COL4A3: variants seen among roughly 807,000 people sequenced by gnomAD.
The protein encoded by COL4A3 is collagen alpha-3(IV) chain.
Under a neutral mutation model 217.4 loss-of-function variants are expected in COL4A3, and 135 were observed. The ratio of observed to expected loss-of-function variants is 0.62; its 90% CI spans 0.54 to 0.72. The LOEUF (loss-of-function observed/expected upper bound fraction) is 0.72, where lower values mean the gene tolerates loss of function less well. Ranked by LOEUF, COL4A3 falls within the 30% of genes least tolerant of loss-of-function variation. The pLI is 0.00. For synonymous variants in COL4A3, 690 were observed against 736.3 expected, an observed-to-expected ratio of 0.94 and a Z score of 1.02; for missense variants, 1,868 against 2,119.9, an observed-to-expected ratio of 0.88 and a Z score of 2.33.
chr2:227,208,019 C>A (rs868846898), intron 1 of COL4A3, among the ~76,000 whole-genome samples: 1 of 150,162 alleles, frequency 6.7e-6, no homozygotes, highest in Admixed American at 6.6e-5. Flanking sequence ...TCTCCCCCCG[C>A]CCCCCCACAC....
intron 1 of COL4A3, among the ~76,000 whole-genome samples, chr2:227,220,670 T>G (rs537488532): frequency 5.3e-5 from 8 of 151,942 alleles, no homozygotes; most frequent in Admixed American, 1.3e-4. Flanking sequence ...CTCACTATGT[T>G]GCATAGGCTG....
At chr2:227,256,563 A>T (rs755248471) in intron 17 of COL4A3, 167 bp downstream of exon 17, 2 of 770,296 alleles carry the variant, frequency 2.6e-6, no homozygotes, top group Non-Finnish European at 4.7e-6. Flanking sequence ...CTTTACTTAA[A>T]CATTTGAAGG....
chr2:227,172,389 C>T (rs572617076), intron 1 of COL4A3, among the ~76,000 whole-genome samples: 1 of 152,184 alleles, frequency 6.6e-6, no homozygotes, highest in Non-Finnish European at 1.5e-5. Flanking sequence ...GGTAAGGGCC[C>T]TCTTTCTGGC....
At position 227,282,357 on chromosome 2, in the gene COL4A3, G is replaced by A. The variant is rs201846272; in HGVS notation, c.2489-8G>A. On this transcript the variant is annotated splice_region_variant and splice_polypyrimidine_tract_variant and intron_variant, in intron 31 of 51. Transcript: ENST00000396578. This position sits in a 1 kb window ranked among gnomAD's most constrained non-coding sequence, Gnocchi z 4.4. ...GGTTAATTAATTCATTCATTTATTCGTACACAGGCAGAAGAGGTAAAACGG... is the reference window on the plus strand; with the variant it reads ...GGTTAATTAATTCATTCATTTATTCATACACAGGCAGAAGAGGTAAAACGG... 1,435 of 1,607,178 alleles carry A rather than the reference G, an allele frequency of 8.9e-4. 1 individual carries two copies. Among genetic ancestry groups the A allele is most frequent in the Non-Finnish European group, 1.1e-3 (1,349 of 1,176,792 alleles).
At chr2:227,169,713 C>T (rs147261121) in intron 1 of COL4A3, among the ~76,000 whole-genome samples, 2 of 152,128 alleles carry the variant, frequency 1.3e-5, no homozygotes, top group African/African-American at 2.4e-5. Flanking sequence ...CTGTTCATGT[C>T]CTTTGCCCAC....
chr2:227,242,817 C>A (rs1198231457), intron 3 of COL4A3, among the ~76,000 whole-genome samples: 1 of 152,198 alleles, frequency 6.6e-6, no homozygotes, highest in Non-Finnish European at 1.5e-5. Flanking sequence ...AAACCACACC[C>A]ACAGCTTACA....
chr2:227,307,306 A>G (rs746094683), intron 47 of COL4A3, among the ~76,000 whole-genome samples: 1 of 152,230 alleles, frequency 6.6e-6, no homozygotes, highest in East Asian at 1.9e-4. Flanking sequence ...TATCAAAACC[A>G]TAAGTAATTT....
intron 26 of COL4A3, among the ~76,000 whole-genome samples, chr2:227,275,129 A>G (rs1488132667): frequency 6.6e-6 from 1 of 152,252 alleles, no homozygotes; most frequent in Admixed American, 6.5e-5. Context: ...CTTTACAGCA[A>G]AAGTTTATTT....
At chr2:227,224,759 GA>G (rs35465382) in intron 1 of COL4A3, among the ~76,000 whole-genome samples, 79,502 of 143,978 alleles carry the variant, frequency 0.55, 21,822 homozygotes, top group Non-Finnish European at 0.63. Context: ...CCATCTCAAA[GA>G]AAAAAAAAAA....
chr2:227,264,310 T>G (rs2070764142), intron 21 of COL4A3, among the ~76,000 whole-genome samples: 1 of 152,140 alleles, frequency 6.6e-6, no homozygotes. Flanking sequence ...CATTTGCTCC[T>G]AGTTCCCATG....
chr2:227,289,396 A>C, intron 35 of COL4A3, 148 bp downstream of exon 35: 1 of 723,728 alleles, frequency 1.4e-6, no homozygotes, highest in Non-Finnish European at 2.4e-6. Context: ...ATTAACTAAA[A>C]GAAGGTGTTG....
chr2:227,249,231 T>TATATATATATATATATATATATG (rs71036175), intron 9 of COL4A3, among the ~76,000 whole-genome samples: 1 of 19,506 alleles, frequency 5.1e-5, no homozygotes, highest in Non-Finnish European at 1.2e-4. Flanking sequence ...TATATATATA[T>TATATATATATATATATATATATG]TTTTTTTTTT....
In COL4A3 at chr2:227,188,885, C is replaced by T. The variant is rs74544985; in HGVS notation, c.87+24072C>T. On this transcript the variant is annotated intron_variant, in intron 1 of 51. Coordinates refer to ENST00000396578, the MANE Select transcript of COL4A3 (RefSeq NM_000091.5). ...TTCCAGTATAGTAAGAGTTATGGAC[C>T]AAGAAATGGGCAATTGTAATGTCAC... is the stretch of plus-strand genomic sequence containing the variant. Among the ~76,000 whole-genome samples, 812 of 152,220 alleles carry T rather than the reference C, an allele frequency of 5.3e-3. 5 individuals carry two copies. Among genetic ancestry groups the T allele is most frequent in the Middle Eastern group, 0.02 (6 of 294 alleles).
At position 227,298,681 on chromosome 2, in the gene COL4A3, G is replaced by A; in HGVS notation, c.3752-1G>A. ...TACTGACAGACTTTTCATGAATTCA[G>A]GTGCGCCTGGTCCCCCTGGACCTCC... On this transcript the variant is annotated splice_acceptor_variant, in intron 42 of 51. Transcript: ENST00000396578. LOFTEE classifies it high-confidence loss of function. 6.2e-7 allele frequency: 1 copy of A among 1,613,866 alleles called. No homozygotes were observed. The highest frequency in any genetic ancestry group is 1.7e-5 in the Admixed American group (1 of 60,014).
At chr2:227,277,377 A>T in intron 27 of COL4A3, 72 bp from the exon 28 acceptor site, 1 of 941,742 alleles carries the variant, frequency 1.1e-6, no homozygotes, top group Non-Finnish European at 1.7e-6. Context: ...CAGAGAACTT[A>T]GACATTTTCT....
At chr2:227,196,698 A>G (rs1481535295) in intron 1 of COL4A3, among the ~76,000 whole-genome samples, 1 of 152,190 alleles carries the variant, frequency 6.6e-6, no homozygotes, top group African/African-American at 2.4e-5. Flanking sequence ...AATTGCCTAC[A>G]ATATACAGGT....
chr2:227,285,501 C>G (rs1311827499), intron 34 of COL4A3, among the ~76,000 whole-genome samples: 1 of 149,678 alleles, frequency 6.7e-6, no homozygotes, highest in Non-Finnish European at 1.5e-5. Flanking sequence ...TCTGCTAGGA[C>G]TAGTCTAAGC....
At chr2:227,202,576 C>A (rs981956999) in intron 1 of COL4A3, among the ~76,000 whole-genome samples, 2 of 150,122 alleles carry the variant, frequency 1.3e-5, no homozygotes, top group Non-Finnish European at 3.0e-5. Flanking sequence ...AACCCCGTCT[C>A]TACAAAAAAT....
intron 14 of COL4A3, 35 bp from the exon 15 acceptor site, chr2:227,254,621 A>G (rs868250370): frequency 1.3e-6 from 2 of 1,491,710 alleles, no homozygotes; most frequent in African/African-American, 2.8e-5. Context: ...AAAATCAGTA[A>G]TTCATAAAAT....
Sources: allele counts gnomAD v4.1 joint callset (sites outside exome capture counted in the v4.1 genomes callset), GRCh38; gene constraint gnomAD v4.1.1; non-coding constraint Gnocchi (gnomAD v3.1); transcripts MANE v1.5; gene names NCBI Gene and HGNC (gene_info 2026-07-23, HGNC 2026-07-21).